ASB2: variants seen among roughly 807,000 people sequenced by gnomAD.
The protein encoded by ASB2 is ankyrin repeat and SOCS box containing 2, also known as ankyrin repeat and SOCS box protein 2.
ASB2 carries 58 observed loss-of-function variants against 62.4 expected under a neutral mutation model. The observed-to-expected ratio is 0.93, with a 90% CI of 0.75 to 1.16. The LOEUF is 1.16. ASB2 is among the 50% of genes most tolerant of loss of function. The pLI is 0.00. For synonymous variants in ASB2, 386 were observed against 385.3 expected (o/e 1.00, Z -0.02); for missense variants, 928 against 887.9 (o/e 1.05, Z -0.57).
chr14:93,956,838 C>CG lies in ASB2; in HGVS notation c.238dup (p.Arg80ProfsTer39), dbSNP rs753962132. ...CCCTTGGAACAAGCCCATTGGGGCC[C>CG]GGGCCGGCGAACTCTCAGGAGGTGC... On this transcript the variant is annotated frameshift_variant, in exon 3 of 10. Transcript: ENST00000555019. LOFTEE classifies it high-confidence loss of function. 3.1e-6 allele frequency: 5 copies of CG among 1,614,186 alleles called. No homozygotes were observed. In the South Asian group the frequency reaches 5.5e-5, roughly 18 times the overall value.
At chr14:93,951,585 C>T (rs1311302934) in intron 5 of ASB2, among the ~76,000 whole-genome samples, 3 of 152,182 alleles carry the variant, frequency 2.0e-5, no homozygotes, top group Non-Finnish European at 4.4e-5. Context: ...AGGTGAGGCA[C>T]AGAGAGGGTA....
intron 5 of ASB2, among the ~76,000 whole-genome samples, chr14:93,952,610 C>A (rs547859616): frequency 6.6e-6 from 1 of 152,206 alleles, no homozygotes; most frequent in Non-Finnish European, 1.5e-5. Context: ...TGACATCCAC[C>A]TCCCTGAGTT....
intron 2 of ASB2, chr14:93,957,444 A>G: frequency 1.0e-6 from 1 of 977,314 alleles, no homozygotes. Context: ...TATAGGATGC[A>G]TGAGGAAGGG....
intron 2 of ASB2, among the ~76,000 whole-genome samples, chr14:93,958,227 T>G (rs1889292213): frequency 6.6e-6 from 1 of 152,200 alleles, no homozygotes; most frequent in Non-Finnish European, 1.5e-5. Context: ...CGCACTGGGG[T>G]GGGCAGGACA....
intron 3 of ASB2, among the ~76,000 whole-genome samples, chr14:93,955,772 G>T (rs536327728): frequency 5.9e-5 from 9 of 152,168 alleles, no homozygotes; most frequent in African/African-American, 9.7e-5. Context: ...CCCTATGAGT[G>T]GGGGAGGGTT....
chr14:93,948,889 G>T (rs555943049), intron 6 of ASB2, among the ~76,000 whole-genome samples: 1 of 152,178 alleles, frequency 6.6e-6, no homozygotes, highest in Non-Finnish European at 1.5e-5. Flanking sequence ...GCAGTGAGCC[G>T]GGATCACACC....
chr14:93,949,532 G>C (rs1219201550), intron 6 of ASB2, among the ~76,000 whole-genome samples: 1 of 152,232 alleles, frequency 6.6e-6, no homozygotes, highest in Non-Finnish European at 1.5e-5. Context: ...AGGATGGAAG[G>C]AGCTGGGCAG....
intron 1 of ASB2, among the ~76,000 whole-genome samples, chr14:93,967,760 C>T (rs909064240): frequency 6.6e-6 from 1 of 152,008 alleles, no homozygotes; most frequent in Non-Finnish European, 1.5e-5. Context: ...ATGGCCGTGT[C>T]GACAAAAAGA....
rs1595298737 is a variant in ASB2, at chr14:93,937,928, T to C, written c.1618-77A>G. 1.1e-5 allele frequency: 16 copies of C among 1,447,138 alleles called. No homozygotes were observed. The East Asian group carries it at 3.8e-4, about 34-fold the overall frequency. 89.6% of individuals were successfully genotyped at this position (1,447,138 alleles called of 1,614,324 possible). On this transcript the variant is annotated intron_variant, in intron 8 of 9. Coordinates refer to ENST00000555019, the MANE Select transcript of ASB2 (RefSeq NM_001202429.2). Reference sequence around the variant, plus strand: ...GCCTGCGGCCAGGGACGGCAGCGGATGTGTCCAAGCACAGACACTGTGCAC... The same window carrying C: ...GCCTGCGGCCAGGGACGGCAGCGGACGTGTCCAAGCACAGACACTGTGCAC...
chr14:93,949,812 G>A (rs756974064), intron 6 of ASB2, among the ~76,000 whole-genome samples: 6 of 152,102 alleles, frequency 3.9e-5, no homozygotes, highest in Admixed American at 6.5e-5. Flanking sequence ...CAGGACCCCC[G>A]GCCTGGGCTC....
intron 8 of ASB2, among the ~76,000 whole-genome samples, chr14:93,938,309 G>A (rs1034420527): frequency 1.0e-4 from 15 of 144,678 alleles, no homozygotes; most frequent in African/African-American, 3.9e-4. Flanking sequence ...GCGCGATCTC[G>A]GCTCACTGCA....
At chr14:93,937,196 C>T (rs1342044562) in intron 9 of ASB2, among the ~76,000 whole-genome samples, 4 of 152,220 alleles carry the variant, frequency 2.6e-5, no homozygotes, top group Non-Finnish European at 4.4e-5. Flanking sequence ...GCACCAACAG[C>T]CTTGGTGTCA....
Position 93,939,545 on chromosome 14 carries a change from C to T in ASB2, c.1180G>A (p.Asp394Asn), listed in dbSNP as rs759212193. The T allele has an allele frequency of 1.3e-5, 21 of 1,600,272 alleles. No individual in the cohort carries two copies. Among genetic ancestry groups the T allele is most frequent in the Non-Finnish European group, 1.8e-5 (21 of 1,174,976 alleles). ...VLEALLSARF[D>N]VNTPLAPERA... ...TCGGGGGCCAGCGGCGTGTTCACGT[C>T]GAAGCGCGCGCTCAGCAGCGCCTCC... The change falls in exon 8 of 10, where the codon GAC (aspartate) becomes AAC (asparagine). Residue 394 changes from aspartate to asparagine, a missense_variant. Transcript: ENST00000555019.
intron 1 of ASB2, among the ~76,000 whole-genome samples, chr14:93,972,757 C>G (rs989903396): frequency 7.9e-5 from 12 of 152,212 alleles, no homozygotes; most frequent in Admixed American, 4.6e-4. Flanking sequence ...CCCTTGACCC[C>G]TATGAGTGGC....
At chr14:93,937,184 G>A (rs1213774371) in intron 9 of ASB2, among the ~76,000 whole-genome samples, 1 of 152,204 alleles carries the variant, frequency 6.6e-6, no homozygotes, top group Non-Finnish European at 1.5e-5. Flanking sequence ...AGGGTGTTCT[G>A]TGCACCAACA....
Position 93,939,740 on chromosome 14 carries a change from C to G in ASB2, c.1053-68G>C, listed in dbSNP as rs550823831. The stretch of plus-strand genomic sequence containing the variant: ...GTGTGGACGGGTAGGGCCGGCCCCG[C>G]CAGCAGGAGAGCTCGGGCGCCAGGC... On this transcript the variant is annotated intron_variant, in intron 7 of 9. Coordinates refer to ENST00000555019, the MANE Select transcript of ASB2 (RefSeq NM_001202429.2). 2,226 of 1,241,786 alleles carry G rather than the reference C, an allele frequency of 1.8e-3. 33 individuals carry two copies. In the African/African-American group the frequency reaches 0.032, roughly 18 times the overall value. 76.9% of individuals were successfully genotyped at this position (1,241,786 alleles called of 1,614,324 possible).
intron 2 of ASB2, chr14:93,957,353 C>T: frequency 9.7e-7 from 1 of 1,026,766 alleles, no homozygotes; most frequent in Non-Finnish European, 1.2e-6. Context: ...TACCTGTGCC[C>T]CCCACGCCCA....
rs965524692 is a variant in ASB2 at position 93,934,432 on chromosome 14, C to T, written c.*224G>A. ...TAGAGAAGGTCTGGGATCTGCTCAT[C>T]AGTTTGTAAACAAATGATTCTTCTC... On this transcript the variant is annotated 3_prime_UTR_variant, in exon 10 of 10. Coordinates refer to ENST00000555019, the MANE Select transcript of ASB2 (RefSeq NM_001202429.2). 3.6e-6 allele frequency: 2 copies of T among 559,776 alleles called. No individual in the cohort carries two copies. Among genetic ancestry groups the T allele is most frequent in the Non-Finnish European group, 6.4e-6 (2 of 312,452 alleles). The allele number at this position is 559,776 out of a possible 1,614,324, so 34.7% of individuals were successfully genotyped here. A position where few individuals can be genotyped will look rare whatever the true frequency, so the allele number is the denominator to read the frequency against.
intron 1 of ASB2, among the ~76,000 whole-genome samples, chr14:93,973,541 C>T (rs1023506448): frequency 1.3e-5 from 2 of 152,158 alleles, no homozygotes; most frequent in Admixed American, 1.3e-4. Context: ...GCGGCAGTGC[C>T]CACACCACCA....
Sources: gnomAD v4.1 joint callset for allele counts (sites outside exome capture counted in the v4.1 genomes callset) on GRCh38, gnomAD v4.1.1 for gene constraint, MANE v1.5 for transcripts, NCBI Gene and HGNC (gene_info 2026-07-23, HGNC 2026-07-21) for gene names.